Variants in HMGXB3 observed in about 807,000 individuals in gnomAD.
HMGXB3 encodes the protein HMG-box containing 3, also known as HMG domain-containing protein 3.
A neutral mutation model predicts 121.5 loss-of-function variants in HMGXB3; 45 were observed. The ratio of observed to expected loss-of-function variants is 0.37; its 90% CI spans 0.29 to 0.47. The LOEUF (loss-of-function observed/expected upper bound fraction) is 0.47, where lower values mean the gene tolerates loss of function less well. Among genes scored for constraint, HMGXB3 ranks in the 20% least tolerant of loss-of-function variants. The pLI is 0.99. For synonymous variants in HMGXB3, 590 were observed against 624.1 expected (o/e 0.95, Z 0.81); for missense variants, 1,376 against 1,602.2 (o/e 0.86, Z 2.41).
chr5:150,034,231 C>T (rs1316474958), intron 11 of HMGXB3, among the ~76,000 whole-genome samples: 1 of 152,192 alleles, frequency 6.6e-6, no homozygotes, highest in African/African-American at 2.4e-5. Flanking sequence ...AAGTGCTCTT[C>T]TTGCCATAGC....
chr5:150,032,108 G>C (rs1756394771), intron 10 of HMGXB3, among the ~76,000 whole-genome samples: 1 of 150,200 alleles, frequency 6.7e-6, no homozygotes, highest in Non-Finnish European at 1.5e-5. Context: ...GGCAGGGCTT[G>C]AACTCTTTAG....
At chr5:150,032,637 T>A in intron 11 of HMGXB3, 34 bp downstream of exon 11, 1 of 1,550,452 alleles carries the variant, frequency 6.4e-7, no homozygotes, top group Non-Finnish European at 8.7e-7. Flanking sequence ...TCCCCTGGCC[T>A]GTTCTGGGCT....
intron 15 of HMGXB3, among the ~76,000 whole-genome samples, chr5:150,043,843 T>C (rs754086867): frequency 4.6e-5 from 7 of 152,230 alleles, no homozygotes; most frequent in African/African-American, 1.7e-4. Context: ...TTGACCTTGC[T>C]CTTTCTCAGC....
intron 6 of HMGXB3, chr5:150,021,710 C>A: frequency 1.9e-6 from 1 of 512,908 alleles, no homozygotes; most frequent in East Asian, 5.2e-5. Flanking sequence ...GTCTTAGAAC[C>A]TTGACCACAA....
rs147758013 is a variant in HMGXB3 at position 150,011,171 on chromosome 5, C to G, written c.810+563C>G. Among the ~76,000 whole-genome samples, 895 of 152,254 alleles carry G rather than the reference C, an allele frequency of 5.9e-3. 4 individuals are homozygous for G. Among genetic ancestry groups the G allele is most frequent in the Non-Finnish European group, 9.2e-3 (626 of 67,992 alleles). ...ACACAAGACCTGTACCCAGGTCTTC[C>G]TGGATTCAGATGGGGTAGGAAGAAA... is the stretch of plus-strand genomic sequence containing the variant. On this transcript the variant is annotated intron_variant, in intron 4 of 19. Transcript: ENST00000502717.
chr5:150,052,258 G>A lies in HMGXB3; in HGVS notation c.*66G>A, dbSNP rs1374857892. 7.7e-6 allele frequency: 10 copies of A among 1,290,918 alleles called. No individual in the cohort carries two copies. The African/African-American group carries it at 1.5e-4, about 19-fold the overall frequency. 80.0% of individuals were successfully genotyped at this position (1,290,918 alleles called of 1,614,324 possible). ...TAGTAAGGCCCTTGCCTGAGGCAGA[G>A]CTATCCAGGGGACCTGCAGAAGTGG... On this transcript the variant is annotated 3_prime_UTR_variant, in exon 20 of 20. Transcript: ENST00000502717.
intron 9 of HMGXB3, 63 bp from the exon 10 acceptor site, chr5:150,030,678 A>C: frequency 1.6e-6 from 2 of 1,225,850 alleles, no homozygotes; most frequent in Non-Finnish European, 1.2e-6. Context: ...TCGTTTCAGG[A>C]CATGGGAGCT....
In HMGXB3 at chr5:150,052,175, G is replaced by A. The variant is rs780333713; in HGVS notation, c.3862G>A (p.Ala1288Thr). ...TEEEGEEEEV[A>T]AVAE is the part of the protein sequence containing the mutation. ...GGAGGAGGGTGAGGAAGAGGAGGTG[G>A]CCGCAGTGGCAGAATAAGCCAGGCT... Residue 1288 changes from alanine (A) to threonine (T), a missense_variant, in exon 20 of 20, where the codon GCC becomes ACC. This residue lies in a region of HMGXB3 where 260 missense variants were observed against 233.2 expected (regional missense o/e 1.11). Transcript: ENST00000502717. 25 of 1,545,408 alleles carry A rather than the reference G, an allele frequency of 1.6e-5. No individual in the cohort carries two copies. Among genetic ancestry groups the A allele is most frequent in the South Asian group, 6.0e-5 (5 of 83,954 alleles).
chr5:150,023,763 C>CA (rs1026078959), intron 6 of HMGXB3, among the ~76,000 whole-genome samples: 4 of 152,094 alleles, frequency 2.6e-5, no homozygotes, highest in African/African-American at 9.7e-5. Context: ...GAATCTGGGA[C>CA]AAAAAACAGA....
chr5:150,037,065 C>CT, intron 12 of HMGXB3, 128 bp downstream of exon 12: 1 of 855,838 alleles, frequency 1.2e-6, no homozygotes, highest in Middle Eastern at 3.6e-4. Flanking sequence ...CTTCCTTTAA[C>CT]TTTCTGATTG....
rs566651350 is a variant in HMGXB3, at chr5:150,004,889, G to A, written c.37G>A (p.Val13Met). ...ATATGATGGTACTGAGGTAACTGTC[G>A]TGATGGAGGAAATTGAGGAAGCCTA... ...ASYDGTEVTV[V>M]MEEIEEAYCY... The change falls in exon 2 of 20, where the codon GTG (valine) becomes ATG (methionine). Residue 13 changes from valine (V) to methionine (M), a missense_variant. Coordinates refer to ENST00000502717, the MANE Select transcript of HMGXB3 (RefSeq NM_014983.3). 2 of 1,551,640 alleles carry A rather than the reference G, an allele frequency of 1.3e-6. No homozygotes were observed. Among genetic ancestry groups the A allele is most frequent in the South Asian group, 1.2e-5 (1 of 84,054 alleles).
intron 6 of HMGXB3, 24 bp downstream of exon 6, chr5:150,018,721 C>T: frequency 2.0e-6 from 3 of 1,536,198 alleles, no homozygotes; most frequent in South Asian, 2.5e-5. Flanking sequence ...GCTGTTGCTG[C>T]TTTGGAAGCC....
Position 150,051,812 on chromosome 5 carries a change from A to G in HMGXB3, c.3499A>G (p.Thr1167Ala), listed in dbSNP as rs1756907243. The change falls in exon 20 of 20, where the codon ACT (threonine) becomes GCT (alanine). Residue 1167 changes from threonine to alanine, a missense_variant. Physicochemically the swap from Thr to Ala is moderately conservative, Grantham distance 58. Coordinates refer to ENST00000502717, the MANE Select transcript of HMGXB3 (RefSeq NM_014983.3). ...EHSIQHPVTK[T>A]ATRRIVHAGL... ...CTCTATCCAGCACCCAGTCACCAAG[A>G]CTGCCACGCGGCGCATCGTCCATGC... The G allele has an allele frequency of 1.3e-6, 2 of 1,548,646 alleles. No homozygotes were observed. The highest frequency in any genetic ancestry group is 1.7e-6 in the Non-Finnish European group (2 of 1,147,084).
At chr5:150,015,482 C>T (rs1450453327) in intron 5 of HMGXB3, among the ~76,000 whole-genome samples, 2 of 152,124 alleles carry the variant, frequency 1.3e-5, no homozygotes, top group East Asian at 1.9e-4. Context: ...AGATGGGGGT[C>T]TCTCTGTGTT....
intron 6 of HMGXB3, among the ~76,000 whole-genome samples, chr5:150,020,252 T>TATTA (rs1165463034): frequency 6.6e-6 from 1 of 152,254 alleles, no homozygotes; most frequent in Non-Finnish European, 1.5e-5. Flanking sequence ...CTAGTGCTAA[T>TATTA]GTCTCACAGG....
intron 19 of HMGXB3, 65 bp from the exon 20 acceptor site, chr5:150,051,660 G>A (rs216131): frequency 0.8 from 1,045,819 of 1,303,462 alleles, 421,877 homozygotes; most frequent in African/African-American, 0.96. Flanking sequence ...GAGTGTTCTC[G>A]TCACCAGATG....
chr5:150,028,553 ATATATATT>A (rs1356294447), intron 9 of HMGXB3, among the ~76,000 whole-genome samples: 51 of 59,094 alleles, frequency 8.6e-4, no homozygotes, highest in African/African-American at 4.2e-3. Context: ...ATATATATAT[ATATATATT>A]TTTTTTTTTT....
intron 11 of HMGXB3, among the ~76,000 whole-genome samples, chr5:150,034,660 T>C (rs1756461453): frequency 6.6e-6 from 1 of 152,174 alleles, no homozygotes; most frequent in African/African-American, 2.4e-5. Flanking sequence ...TCCAATCTCC[T>C]AAAGTTTGGA....
chr5:150,052,655 G>C lies in HMGXB3; in HGVS notation c.*463G>C, dbSNP rs566517408. 1.5e-4 allele frequency: 24 copies of C among 163,280 alleles called. No homozygotes were observed. Among genetic ancestry groups the C allele is most frequent in the African/African-American group, 5.3e-4 (22 of 41,764 alleles). 10.1% of individuals were successfully genotyped at this position (163,280 alleles called of 1,614,324 possible). A position where few individuals can be genotyped will look rare whatever the true frequency, so the allele number is the denominator to read the frequency against. On this transcript the variant is annotated 3_prime_UTR_variant, in exon 20 of 20. Transcript: ENST00000502717. ...CTTAGCCTGTTGCCTTTGACTAGGG[G>C]CCTGGGTGGCCTCATTAACTCTAGG...
Sources: gnomAD v4.1 joint callset for allele counts (sites outside exome capture counted in the v4.1 genomes callset) on GRCh38, gnomAD v4.1.1 for gene constraint, gnomAD v4.1.1 regional missense constraint, MANE v1.5 for transcripts, NCBI Gene and HGNC (gene_info 2026-07-23, HGNC 2026-07-21) for gene names.